The following DNASE1L3 variants were observed in gnomAD, a reference collection of about 807,000 sequenced individuals.
DNASE1L3 encodes the protein deoxyribonuclease gamma.
DNASE1L3 carries 27 observed loss-of-function variants against 30.9 expected under a neutral mutation model. That is an observed-to-expected ratio of 0.87 (90% CI 0.64 to 1.20). The LOEUF is 1.20. Ranked by LOEUF, DNASE1L3 falls within the 50% of genes most tolerant of loss-of-function variation. The probability of loss-of-function intolerance (pLI) is 0.00; values close to 1 mark genes in which losing one functional copy is unlikely to be tolerated. For synonymous variants in DNASE1L3, 135 were observed against 138.0 expected, an observed-to-expected ratio of 0.98 and a Z score of 0.15; for missense variants, 364 against 378.2, an observed-to-expected ratio of 0.96 and a Z score of 0.31.
At chr3:58,194,396 T>C (rs2107366649) in intron 6 of DNASE1L3, among the ~76,000 whole-genome samples, 1 of 140,446 alleles carries the variant, frequency 7.1e-6, no homozygotes, top group South Asian at 2.3e-4. Context: ...CTCAGCTCAC[T>C]GCAACCTCCA....
At position 58,193,194 on chromosome 3, in the gene DNASE1L3, A is replaced by G. The variant is rs2097395199; in HGVS notation, c.801+149T>C. On this transcript the variant is annotated intron_variant, in intron 7 of 7. Coordinates refer to ENST00000394549, the MANE Select transcript of DNASE1L3 (RefSeq NM_004944.4). ...TGGACTCAAGTGATCCTCCCACCTCAGCCTCCCAAGTAGCTGGGACCATAG... is the reference window on the plus strand; with the variant it reads ...TGGACTCAAGTGATCCTCCCACCTCGGCCTCCCAAGTAGCTGGGACCATAG... The G allele has an allele frequency of 2.1e-6, 3 of 1,435,054 alleles. No individual in the cohort carries two copies. The South Asian group carries it at 4.2e-5, about 20-fold the overall frequency. The allele number at this position is 1,435,054 out of a possible 1,614,324, so 88.9% of individuals were successfully genotyped here.
chr3:58,210,304 G>C (rs574289940), intron 1 of DNASE1L3, among the ~76,000 whole-genome samples: 2 of 152,066 alleles, frequency 1.3e-5, no homozygotes, highest in Non-Finnish European at 2.9e-5. Context: ...GAAAGAGAGA[G>C]AAAGGAGCTG....
At chr3:58,203,017 T>C (rs1453902975) in intron 4 of DNASE1L3, among the ~76,000 whole-genome samples, 1 of 152,182 alleles carries the variant, frequency 6.6e-6, no homozygotes, top group Admixed American at 6.5e-5. Flanking sequence ...TGTGGCAATG[T>C]GCGCGAGCCT....
At position 58,198,124 on chromosome 3, in the gene DNASE1L3, C is replaced by T. The variant is rs2097398522; in HGVS notation, c.547-146G>A. ...AATCTTGTCTACCCCCTGCTCCCGC[C>T]CCGGCCAAATTCCTATGTTGAAGTT... is the stretch of plus-strand genomic sequence containing the variant. On this transcript the variant is annotated intron_variant, in intron 5 of 7. Transcript: ENST00000394549. 4 of 911,896 alleles carry T rather than the reference C, an allele frequency of 4.4e-6. No homozygotes were observed. The Admixed American group carries it at 9.1e-5, about 21-fold the overall frequency. The allele number at this position is 911,896 out of a possible 1,614,324, so 56.5% of individuals were successfully genotyped here.
intron 6 of DNASE1L3, among the ~76,000 whole-genome samples, chr3:58,195,882 C>G (rs2097397030): frequency 1.3e-5 from 2 of 152,266 alleles, no homozygotes; most frequent in Admixed American, 1.3e-4. Flanking sequence ...TAAAATGTCA[C>G]ATGTAATCCC....
chr3:58,195,265 GTTTAT>G (rs1559755046), intron 6 of DNASE1L3, among the ~76,000 whole-genome samples: 1 of 152,002 alleles, frequency 6.6e-6, no homozygotes, highest in Non-Finnish European at 1.5e-5. Context: ...CATTTTCTCC[GTTTAT>G]TTTATTTAAT....
In DNASE1L3 at chr3:58,200,558, CT is replaced by C. The variant is rs2097399986; in HGVS notation, c.546+438del. Among the ~76,000 whole-genome samples, 1 of 152,136 alleles carries C rather than the reference CT, an allele frequency of 6.6e-6. No homozygotes were observed. Among genetic ancestry groups the C allele is most frequent in the Non-Finnish European group, 1.5e-5 (1 of 68,028 alleles). ...AGTTACACAAACCAATCAATTGCTCCTTTTTTTCATGAGCCATGTTAAGATT... is the reference window on the plus strand; with the variant it reads ...AGTTACACAAACCAATCAATTGCTCCTTTTTTCATGAGCCATGTTAAGATT... On this transcript the variant is annotated intron_variant, in intron 5 of 7. Coordinates refer to ENST00000394549, the MANE Select transcript of DNASE1L3 (RefSeq NM_004944.4). The surrounding 1 kb of genome is among the most constrained non-coding windows in gnomAD (Gnocchi z 4.2).
chr3:58,210,774 T>C lies in DNASE1L3; in HGVS notation c.133A>G (p.Ile45Val). The change falls in exon 1 of 8, where the codon ATT becomes GTT. Residue 45 changes from isoleucine to valine, a missense_variant. Coordinates refer to ENST00000394549, the MANE Select transcript of DNASE1L3 (RefSeq NM_004944.4). ...CCAGGAAAGGGGCTCACCTTCACAA[T>C]GACATCCATGGCATTCTTGTCTTCC... ...KQEDKNAMDVIVKVIKRCDII... is the reference protein window; with the variant it reads ...KQEDKNAMDVVVKVIKRCDII... 6.2e-7 allele frequency: 1 copy of C among 1,614,140 alleles called. No individual in the cohort carries two copies. The highest frequency in any genetic ancestry group is 8.5e-7 in the Non-Finnish European group (1 of 1,180,018).
chr3:58,210,711 C>T lies in DNASE1L3; in HGVS notation c.141+55G>A. On this transcript the variant is annotated intron_variant, in intron 1 of 7. Transcript: ENST00000394549. Reference sequence around the variant, plus strand: ...CCTTGAGTCTCTTAAAGTCTGCAGACAGGAGAGAGGGTGTGAGGGGTGTCT... The same window carrying T: ...CCTTGAGTCTCTTAAAGTCTGCAGATAGGAGAGAGGGTGTGAGGGGTGTCT... 3.1e-6 allele frequency: 5 copies of T among 1,611,386 alleles called. No homozygotes were observed. In the South Asian group the frequency reaches 5.5e-5, roughly 18 times the overall value.
In DNASE1L3 at chr3:58,207,122, G is replaced by C. The variant is rs960927245; in HGVS notation, c.230+1096C>G. Among the ~76,000 whole-genome samples, 44 of 152,154 alleles carry C rather than the reference G, an allele frequency of 2.9e-4. 2 individuals are homozygous for C. On this transcript the variant is annotated intron_variant, in intron 2 of 7. Transcript: ENST00000394549. The stretch of plus-strand genomic sequence containing the variant: ...GCAGCGGCTCACACCTGTAATCCCA[G>C]CACTTTGGGAGGCTGAGAGGGGCAG...
chr3:58,206,775 G>A (rs546869037), intron 2 of DNASE1L3, among the ~76,000 whole-genome samples: 51 of 152,300 alleles, frequency 3.3e-4, no homozygotes, highest in Non-Finnish European at 5.7e-4. Context: ...AAGGAAGGCT[G>A]AGATGACAAA....
intron 4 of DNASE1L3, 36 bp from the exon 5 acceptor site, chr3:58,201,145 C>T (rs1385224028): frequency 6.4e-7 from 1 of 1,556,544 alleles, no homozygotes; most frequent in East Asian, 2.3e-5. Context: ...TCACACACTT[C>T]CCCTGTCAAG....
chr3:58,193,744 C>T (rs55756006), intron 6 of DNASE1L3, among the ~76,000 whole-genome samples: 21,714 of 152,166 alleles, frequency 0.14, 2,000 homozygotes, highest in East Asian at 0.29. Context: ...CAATGACTTG[C>T]GTACTGAGAA....
chr3:58,206,490 A>C (rs2097403992), intron 2 of DNASE1L3, among the ~76,000 whole-genome samples: 1 of 152,168 alleles, frequency 6.6e-6, no homozygotes, highest in Admixed American at 6.5e-5. Context: ...TTTTGAACAT[A>C]GCCTGCCAAG....
intron 4 of DNASE1L3, among the ~76,000 whole-genome samples, chr3:58,204,141 ATTT>A (rs10662293): frequency 1.4e-5 from 2 of 141,332 alleles, no homozygotes; most frequent in Non-Finnish European, 1.5e-5. Context: ...ATTGCTTAGG[ATTT>A]TTTTTTTTTT....
At chr3:58,204,708 C>T (rs1350581334) in intron 4 of DNASE1L3, 61 bp downstream of exon 4, 1 of 1,433,798 alleles carries the variant, frequency 7.0e-7, no homozygotes, top group Non-Finnish European at 9.8e-7. Flanking sequence ...ATGCTCAAGG[C>T]TGCTGCGCAT....
intron 5 of DNASE1L3, 76 bp from the exon 6 acceptor site, chr3:58,198,054 C>G: frequency 6.7e-7 from 1 of 1,486,908 alleles, no homozygotes; most frequent in Non-Finnish European, 9.1e-7. Flanking sequence ...CTAGCAAAGA[C>G]TCTGCGTCCC....
chr3:58,203,877 T>C (rs2097402283), intron 4 of DNASE1L3, among the ~76,000 whole-genome samples: 1 of 152,134 alleles, frequency 6.6e-6, no homozygotes, highest in South Asian at 2.1e-4. Context: ...TCCATTTCAG[T>C]AGCTGGGTGA....
intron 2 of DNASE1L3, 31 bp from the exon 3 acceptor site, chr3:58,205,591 G>T: frequency 6.4e-7 from 1 of 1,564,118 alleles, no homozygotes; most frequent in South Asian, 1.1e-5. Flanking sequence ...ACTGCATCTT[G>T]AAGAGTAAAC....
Sources: allele counts gnomAD v4.1 joint callset (sites outside exome capture counted in the v4.1 genomes callset), GRCh38; gene constraint gnomAD v4.1.1; non-coding constraint Gnocchi (gnomAD v3.1); transcripts MANE v1.5; gene names NCBI Gene and HGNC (gene_info 2026-07-23, HGNC 2026-07-21).